LIFR: variants seen among roughly 807,000 people sequenced by gnomAD.
LIFR encodes the protein leukemia inhibitory factor receptor.
In LIFR, 84 loss-of-function variants were observed where a neutral mutation model predicts 122.2. That is an observed-to-expected ratio of 0.69 (90% CI 0.58 to 0.82). LIFR has a LOEUF of 0.82. LIFR is among the 40% of genes least tolerant of loss of function. The probability of loss-of-function intolerance (pLI) is 0.00; values close to 1 mark genes in which losing one functional copy is unlikely to be tolerated. For missense variants in LIFR, 1,294 were observed against 1,311.6 expected (o/e 0.99, Z 0.21); for synonymous variants, 422 against 434.7 (o/e 0.97, Z 0.36).
Position 38,493,706 on chromosome 5 carries a change from G to A in LIFR, c.1965C>T (p.Cys655=), listed in dbSNP as rs767618083. The part of the protein sequence containing the change: ...LTWHYDPNMT[C]DYVIKWCNSS... ...AGTTACACCACTTAATGACGTAGTC[G>A]CAAGTCATGTTGGGGTCGTAATGCC... The change falls in exon 14 of 20, where the codon TGC becomes TGT. Residue 655 remains cysteine, a synonymous_variant. Transcript: ENST00000453190. 25 of 1,613,882 alleles carry A rather than the reference G, an allele frequency of 1.5e-5. No individual in the cohort carries two copies. Among genetic ancestry groups the A allele is most frequent in the South Asian group, 8.8e-5 (8 of 91,062 alleles).
chr5:38,513,171 CA>C (rs1486523593), intron 5 of LIFR, among the ~76,000 whole-genome samples: 1 of 151,864 alleles, frequency 6.6e-6, no homozygotes, highest in African/African-American at 2.4e-5. Context: ...TGGACAAAGA[CA>C]AAATATAGAA....
intron 1 of LIFR, among the ~76,000 whole-genome samples, chr5:38,540,051 C>G (rs1338720493): frequency 1.3e-5 from 2 of 152,198 alleles, no homozygotes; most frequent in East Asian, 3.9e-4. Flanking sequence ...ATCTCAGCTC[C>G]AGGCCATTAT....
chr5:38,545,936 C>G (rs1200273590), intron 1 of LIFR, among the ~76,000 whole-genome samples: 2 of 146,346 alleles, frequency 1.4e-5, no homozygotes, highest in Admixed American at 6.8e-5. Flanking sequence ...CAAAATAAAA[C>G]CAGCTAATAA....
intron 1 of LIFR, among the ~76,000 whole-genome samples, chr5:38,581,792 G>T (rs753321937): frequency 6.6e-5 from 10 of 152,166 alleles, no homozygotes; most frequent in Non-Finnish European, 1.3e-4. Flanking sequence ...CTTAAATGGG[G>T]CAGGGAAATA....
intron 1 of LIFR, among the ~76,000 whole-genome samples, chr5:38,540,795 T>C (rs1298480329): frequency 6.6e-6 from 1 of 151,938 alleles, no homozygotes; most frequent in Non-Finnish European, 1.5e-5. Context: ...AAAAACACTA[T>C]GTGGGCCAAA....
chr5:38,505,924 T>G lies in LIFR; in HGVS notation c.1272A>C (p.Leu424Phe), dbSNP rs773543403. Residue 424 changes from leucine to phenylalanine, a missense_variant, in exon 9 of 20, where the codon TTA (leucine) becomes TTC (phenylalanine). Physicochemically the swap from Leu to Phe is conservative, Grantham distance 22. Transcript: ENST00000453190. ...NPLGRSQSTILVNITEKVYPH... is the reference protein window; with the variant it reads ...NPLGRSQSTIFVNITEKVYPH... ...GCTTACCTTTTTCAGTTATATTAAC[T>G]AAAATTGTTGATTGTGATCGACCCA... is the stretch of plus-strand genomic sequence containing the variant. The G allele has an allele frequency of 6.2e-7, 1 of 1,608,202 alleles. No individual in the cohort carries two copies. The highest frequency in any genetic ancestry group is 2.2e-5 in the East Asian group (1 of 44,694).
rs1748561565 is a variant in LIFR at position 38,556,539 on chromosome 5, G to A, written c.-225C>T. 6.7e-6 allele frequency: 1 copy of A among 150,350 alleles called. No individual in the cohort carries two copies. Among genetic ancestry groups the A allele is most frequent in the African/African-American group, 2.4e-5 (1 of 41,192 alleles). 9.3% of individuals were successfully genotyped at this position (150,350 alleles called of 1,614,324 possible). A position where few individuals can be genotyped will look rare whatever the true frequency, so the allele number is the denominator to read the frequency against. On this transcript the variant is annotated 5_prime_UTR_variant, in exon 1 of 20. Transcript: ENST00000453190. Reference sequence around the variant, plus strand: ...GCTGCTTGAGGCGGCCACGGGCGAAGGGCGGCCCGCTGCGCTCCGCGAACC... The same window carrying A: ...GCTGCTTGAGGCGGCCACGGGCGAAAGGCGGCCCGCTGCGCTCCGCGAACC...
chr5:38,522,961 G>A (rs1473220543), intron 5 of LIFR, among the ~76,000 whole-genome samples: 1 of 151,926 alleles, frequency 6.6e-6, no homozygotes, highest in Non-Finnish European at 1.5e-5. Flanking sequence ...AAACAGGAAT[G>A]AAAAAACGAG....
intron 1 of LIFR, among the ~76,000 whole-genome samples, chr5:38,565,687 A>G (rs986411179): frequency 1.3e-5 from 2 of 151,644 alleles, no homozygotes; most frequent in South Asian, 2.1e-4. Context: ...TCCCGGGTTC[A>G]AGTGATTCTC....
chr5:38,573,109 A>G (rs1212774859), intron 1 of LIFR, among the ~76,000 whole-genome samples: 3 of 152,268 alleles, frequency 2.0e-5, no homozygotes, highest in African/African-American at 7.2e-5. Context: ...ATCAGCTCAC[A>G]AGAGCTTAAT....
intron 2 of LIFR, among the ~76,000 whole-genome samples, chr5:38,529,798 T>C (rs1746903459): frequency 6.6e-6 from 1 of 152,194 alleles, no homozygotes; most frequent in Non-Finnish European, 1.5e-5. Flanking sequence ...CAATAAATTA[T>C]ACGGCTATTT....
At chr5:38,587,004 G>C (rs760439137) in intron 1 of LIFR, among the ~76,000 whole-genome samples, 1 of 152,126 alleles carries the variant, frequency 6.6e-6, no homozygotes, top group Non-Finnish European at 1.5e-5. Context: ...GCCAAGAATT[G>C]TGCTGATCTA....
In LIFR at chr5:38,606,866, T is replaced by C. The variant is rs146619334; in HGVS notation, n.204-560A>G. Among the ~76,000 whole-genome samples, 3 of 152,344 alleles carry C rather than the reference T, an allele frequency of 2.0e-5. No homozygotes were observed. The East Asian group carries it at 5.8e-4, about 29-fold the overall frequency. ...TCCCCATGACTTACTTGTTGGCAAG[T>C]GGTTCATAAACCACTTACATCACAC... is the stretch of plus-strand genomic sequence containing the variant. On this transcript the variant is annotated intron_variant and non_coding_transcript_variant, in intron 1 of 3. Transcript: ENST00000507786.
chr5:38,508,730 C>T (rs910464892), intron 7 of LIFR, among the ~76,000 whole-genome samples: 1 of 145,718 alleles, frequency 6.9e-6, no homozygotes, highest in African/African-American at 2.6e-5. Flanking sequence ...GCGCCTGCCA[C>T]CATGCCCAGC....
At chr5:38,504,948 G>A (rs553981121) in intron 9 of LIFR, among the ~76,000 whole-genome samples, 1 of 152,290 alleles carries the variant, frequency 6.6e-6, no homozygotes, top group South Asian at 2.1e-4. Flanking sequence ...TCCCCTGCCT[G>A]AGTCTCTAAG....
intron 5 of LIFR, among the ~76,000 whole-genome samples, chr5:38,514,458 A>G (rs1745968916): frequency 1.3e-5 from 2 of 152,226 alleles, no homozygotes; most frequent in African/African-American, 4.8e-5. Flanking sequence ...ATTTTCATAA[A>G]TGTGGTATCT....
At chr5:38,574,105 GA>G (rs1042555611) in intron 1 of LIFR, among the ~76,000 whole-genome samples, 48 of 151,986 alleles carry the variant, frequency 3.2e-4, no homozygotes, top group African/African-American at 1.1e-3. Context: ...AACAGAGTGA[GA>G]CTCCATCTCA....
At chr5:38,499,648 T>G in intron 11 of LIFR, 65 bp from the exon 12 acceptor site, 1 of 1,110,658 alleles carries the variant, frequency 9.0e-7, no homozygotes, top group Non-Finnish European at 1.4e-6. Context: ...TGCTTGGCAT[T>G]TTTTTTCTAG....
intron 15 of LIFR, 80 bp from the exon 16 acceptor site, chr5:38,489,325 C>A: frequency 9.1e-7 from 1 of 1,098,594 alleles, no homozygotes; most frequent in Non-Finnish European, 1.4e-6. Context: ...AGCTTTCTAG[C>A]CTCAAAAATA....
Sources: allele counts gnomAD v4.1 joint callset (sites outside exome capture counted in the v4.1 genomes callset), GRCh38; gene constraint gnomAD v4.1.1; transcripts MANE v1.5; gene names NCBI Gene and HGNC (gene_info 2026-07-23, HGNC 2026-07-21).